The following RNF13 variants were observed in gnomAD, a reference collection of about 807,000 sequenced individuals.
RNF13 encodes E3 ubiquitin-protein ligase RNF13.
Under a neutral mutation model 37.7 loss-of-function variants are expected in RNF13, and 19 were observed. The ratio of observed to expected loss-of-function variants is 0.50; its 90% CI spans 0.35 to 0.74. The LOEUF is 0.74. Among genes scored for constraint, RNF13 ranks in the 30% least tolerant of loss-of-function variants. RNF13 has a pLI of 0.01. For synonymous variants in RNF13, 144 were observed against 157.8 expected (o/e 0.91, Z 0.65); for missense variants, 375 against 453.0 (o/e 0.83, Z 1.56).
At chr3:149,869,585 G>T (rs1576794652) in intron 3 of RNF13, among the ~76,000 whole-genome samples, 1 of 151,398 alleles carries the variant, frequency 6.6e-6, no homozygotes, top group South Asian at 2.1e-4. Flanking sequence ...CAGCCTGGGC[G>T]ACAGAGCGAG....
intron 6 of RNF13, among the ~76,000 whole-genome samples, chr3:149,904,665 A>G (rs1413446670): frequency 6.6e-6 from 1 of 152,186 alleles, no homozygotes; most frequent in Non-Finnish European, 1.5e-5. Context: ...AAAATTATAT[A>G]TAAACTCTGA....
chr3:149,887,612 T>C (rs2108475452), intron 4 of RNF13, among the ~76,000 whole-genome samples: 1 of 152,322 alleles, frequency 6.6e-6, no homozygotes, highest in African/African-American at 2.4e-5. Flanking sequence ...CTAGAAGTCT[T>C]TTTGCAGATT....
chr3:149,882,548 C>G (rs1713548116), intron 4 of RNF13, among the ~76,000 whole-genome samples: 1 of 152,010 alleles, frequency 6.6e-6, no homozygotes, highest in Non-Finnish European at 1.5e-5. Context: ...TGAAAACAGG[C>G]TTAGTTTTCT....
rs368826818 is a variant in RNF13, at chr3:149,942,938, T to C, written c.701-17118T>C. ...TGAATTTTGTCTGCATCAATTGAAATGATCACCTGGTTTTGTCCTTCATCT... is the reference window on the plus strand; with the variant it reads ...TGAATTTTGTCTGCATCAATTGAAACGATCACCTGGTTTTGTCCTTCATCT... On this transcript the variant is annotated intron_variant, in intron 8 of 9. Transcript: ENST00000392894. Among the ~76,000 whole-genome samples the C allele has an allele frequency of 5.9e-5, 9 of 152,320 alleles. No individual in the cohort carries two copies. In the East Asian group the frequency reaches 1.2e-3, roughly 20 times the overall value.
chr3:149,871,720 T>C (rs1712081400), intron 3 of RNF13, among the ~76,000 whole-genome samples: 1 of 152,164 alleles, frequency 6.6e-6, no homozygotes, highest in South Asian at 2.1e-4. Context: ...TTGCTTGGTT[T>C]GAAAATGTCA....
intron 8 of RNF13, among the ~76,000 whole-genome samples, chr3:149,943,397 C>T (rs918367149): frequency 1.3e-5 from 2 of 152,040 alleles, no homozygotes; most frequent in African/African-American, 2.4e-5. Context: ...TGTACATGAA[C>T]ATATCATTAT....
chr3:149,931,402 T>A (rs941975465), intron 8 of RNF13, among the ~76,000 whole-genome samples: 1 of 152,164 alleles, frequency 6.6e-6, no homozygotes, highest in African/African-American at 2.4e-5. Flanking sequence ...GTTCAATTTT[T>A]ATTTCTTTTT....
intron 2 of RNF13, among the ~76,000 whole-genome samples, chr3:149,848,416 A>G (rs1388233668): frequency 6.6e-6 from 1 of 152,224 alleles, no homozygotes; most frequent in Non-Finnish European, 1.5e-5. Context: ...GTGAAAGCAT[A>G]TAACTGGTAA....
chr3:149,903,937 A>ATCTATCTG (rs1716119629), intron 6 of RNF13, among the ~76,000 whole-genome samples: 2 of 148,374 alleles, frequency 1.3e-5, no homozygotes, highest in Non-Finnish European at 1.5e-5. Context: ...ATATCTGTCT[A>ATCTATCTG]TCTGTCTGTC....
intron 8 of RNF13, among the ~76,000 whole-genome samples, chr3:149,953,552 A>G (rs1281322802): frequency 6.6e-6 from 1 of 152,206 alleles, no homozygotes; most frequent in Non-Finnish European, 1.5e-5. Flanking sequence ...TCCCTAGTAA[A>G]TACGTAGCTG....
chr3:149,882,335 T>A (rs536049297), intron 4 of RNF13, among the ~76,000 whole-genome samples: 2 of 152,274 alleles, frequency 1.3e-5, no homozygotes, highest in South Asian at 4.1e-4. Flanking sequence ...GAGGAAATTT[T>A]ATTTTTTTGA....
chr3:149,912,155 A>G lies in RNF13; in HGVS notation c.606+72A>G, dbSNP rs559036728. On this transcript the variant is annotated intron_variant, in intron 7 of 9. Transcript: ENST00000392894. ...ATCTAAAAACATTGTATTGAGTGAG[A>G]GAATTTAAACAATGTGTACATAAAA... 2.0e-5 allele frequency: 15 copies of G among 748,280 alleles called. No homozygotes were observed. The African/African-American group carries it at 2.1e-4, about 11-fold the overall frequency. The allele number at this position is 748,280 out of a possible 1,614,324, so 46.4% of individuals were successfully genotyped here. A position where few individuals can be genotyped will look rare whatever the true frequency, so the allele number is the denominator to read the frequency against.
chr3:149,840,253 A>G (rs1276178855), intron 1 of RNF13, among the ~76,000 whole-genome samples: 1 of 152,224 alleles, frequency 6.6e-6, no homozygotes, highest in Non-Finnish European at 1.5e-5. Context: ...ATTAGATGTG[A>G]TCAAAGATCG....
intron 8 of RNF13, among the ~76,000 whole-genome samples, chr3:149,947,816 C>T (rs1011452487): frequency 2.6e-5 from 4 of 151,958 alleles, no homozygotes; most frequent in African/African-American, 9.7e-5. Context: ...TTATATAATG[C>T]CCCCGTTTTT....
At chr3:149,957,067 A>G (rs146273630) in intron 8 of RNF13, among the ~76,000 whole-genome samples, 117 of 152,358 alleles carry the variant, frequency 7.7e-4, no homozygotes, top group African/African-American at 2.7e-3. Context: ...CCCTTTTATA[A>G]TACTACCAGA....
At chr3:149,924,543 C>CT (rs556474942) in intron 8 of RNF13, among the ~76,000 whole-genome samples, 1 of 152,086 alleles carries the variant, frequency 6.6e-6, no homozygotes, top group Non-Finnish European at 1.5e-5. Context: ...TGATGCAAAT[C>CT]TATCAGGGAG....
At chr3:149,865,650 T>A (rs115588748) in intron 3 of RNF13, among the ~76,000 whole-genome samples, 1,672 of 152,150 alleles carry the variant, frequency 0.011, 27 homozygotes, top group African/African-American at 0.035. Flanking sequence ...ATTTTTTGTA[T>A]TTTTGTAATT....
chr3:149,858,690 G>A (rs879558909), intron 3 of RNF13, among the ~76,000 whole-genome samples: 2 of 152,188 alleles, frequency 1.3e-5, no homozygotes, highest in Admixed American at 1.3e-4. Flanking sequence ...ATCATGGGAT[G>A]CGGATTTGTC....
intron 1 of RNF13, among the ~76,000 whole-genome samples, chr3:149,816,581 GA>G (rs925092116): frequency 6.9e-5 from 10 of 145,606 alleles, no homozygotes; most frequent in South Asian, 2.2e-4. Flanking sequence ...AAGGAGGGTG[GA>G]AAAAAAAAAG....
Sources: gnomAD v4.1 joint callset for allele counts (sites outside exome capture counted in the v4.1 genomes callset) on GRCh38, gnomAD v4.1.1 for gene constraint, MANE v1.5 for transcripts, NCBI Gene and HGNC (gene_info 2026-07-23, HGNC 2026-07-21) for gene names.